Variants in PDE7B observed in about 807,000 individuals in gnomAD.
The protein encoded by PDE7B is phosphodiesterase 7B.
PDE7B carries 29 observed loss-of-function variants against 56.2 expected under a neutral mutation model. The ratio of observed to expected loss-of-function variants is 0.52; its 90% CI spans 0.38 to 0.70. The LOEUF (loss-of-function observed/expected upper bound fraction) is 0.70, where lower values mean the gene tolerates loss of function less well. Ranked by LOEUF, PDE7B falls within the 30% of genes least tolerant of loss-of-function variation. The pLI is 0.00. For synonymous variants in PDE7B, 197 were observed against 196.9 expected, an observed-to-expected ratio of 1.00 and a Z score of 0.00; for missense variants, 490 against 565.0, an observed-to-expected ratio of 0.87 and a Z score of 1.35.
intron 5 of PDE7B, among the ~76,000 whole-genome samples, chr6:136,150,647 A>G (rs560379507): frequency 5.3e-5 from 8 of 152,302 alleles, no homozygotes; most frequent in African/African-American, 1.9e-4. Context: ...TACAGCTTCA[A>G]TTTTGCATCT....
intron 2 of PDE7B, among the ~76,000 whole-genome samples, chr6:136,092,451 A>G (rs1777403990): frequency 6.6e-6 from 1 of 152,356 alleles, no homozygotes; most frequent in Non-Finnish European, 1.5e-5. Context: ...GAAATGGCAG[A>G]TTCAGTTTTT....
Position 136,126,769 on chromosome 6 carries a change from A to AAG in PDE7B, c.166+17957_166+17958dup, listed in dbSNP as rs58219317. ...CTAAGCTATGAGGATGCAAAGGCGT[A>AAG]AGAATGCCACAGTGGACTCTGGGGA... On this transcript the variant is annotated intron_variant, in intron 3 of 12. Transcript: ENST00000308191. Among the ~76,000 whole-genome samples the AAG allele has an allele frequency of 7.7e-3, 1,172 of 152,296 alleles. 11 individuals are homozygous for AAG. Among genetic ancestry groups the AAG allele is most frequent in the African/African-American group, 0.026 (1,085 of 41,552 alleles).
chr6:136,140,187 ATGGCTAG>A (rs1778294770), intron 3 of PDE7B, among the ~76,000 whole-genome samples: 2 of 152,164 alleles, frequency 1.3e-5, no homozygotes, highest in African/African-American at 4.8e-5. Context: ...CTTTCTACAT[ATGGCTAG>A]CCAGTTTTCC....
At chr6:135,879,782 AG>A (rs1775571260) in intron 1 of PDE7B, among the ~76,000 whole-genome samples, 1 of 152,194 alleles carries the variant, frequency 6.6e-6, no homozygotes, top group South Asian at 2.1e-4. Context: ...GTCAGAGCTT[AG>A]GAAAAGGGTC....
At chr6:136,172,424 C>A (rs568909233) in intron 8 of PDE7B, among the ~76,000 whole-genome samples, 1 of 152,328 alleles carries the variant, frequency 6.6e-6, no homozygotes, top group Non-Finnish European at 1.5e-5. Flanking sequence ...TTTTTGGCTG[C>A]ATAAATGTCT....
At chr6:136,078,609 A>C (rs1348599815) in intron 2 of PDE7B, among the ~76,000 whole-genome samples, 1 of 152,140 alleles carries the variant, frequency 6.6e-6, no homozygotes, top group Non-Finnish European at 1.5e-5. Flanking sequence ...TATTATGTAA[A>C]AGAGACAAAA....
intron 2 of PDE7B, among the ~76,000 whole-genome samples, chr6:136,090,801 C>T (rs1307143295): frequency 6.6e-6 from 1 of 152,140 alleles, no homozygotes; most frequent in African/African-American, 2.4e-5. Context: ...CTCTGCCTCC[C>T]AAATTATCTC....
chr6:136,018,561 G>A (rs1252298313), intron 2 of PDE7B, among the ~76,000 whole-genome samples: 1 of 152,052 alleles, frequency 6.6e-6, no homozygotes, highest in African/African-American at 2.4e-5. Flanking sequence ...AAAGTTAAAG[G>A]AAAATCTTGG....
intron 2 of PDE7B, among the ~76,000 whole-genome samples, chr6:136,005,091 C>G (rs1416856380): frequency 6.6e-6 from 1 of 152,156 alleles, no homozygotes; most frequent in Non-Finnish European, 1.5e-5. Context: ...CTGAGAAAAA[C>G]AAGCAATGGG....
chr6:136,053,072 G>C (rs1212082343), intron 2 of PDE7B, among the ~76,000 whole-genome samples: 2 of 152,034 alleles, frequency 1.3e-5, no homozygotes, highest in Non-Finnish European at 2.9e-5. Flanking sequence ...TTTTAAAAAA[G>C]TTATACTTCA....
chr6:136,147,501 G>C lies in PDE7B; in HGVS notation c.317G>C (p.Arg106Thr), dbSNP rs1327282227. ...LLDEDYLGQA[R>T]HMLSKVGMWD... Reference sequence around the variant, plus strand: ...GATGAAGACTACCTTGGACAAGCAAGGGTAAGCTGACTGCCCCATCTCCTC... The same window carrying C: ...GATGAAGACTACCTTGGACAAGCAACGGTAAGCTGACTGCCCCATCTCCTC... Residue 106 changes from arginine to threonine, a missense_variant and splice_region_variant, in exon 4 of 13, where the codon AGG (arginine) becomes ACG (threonine). Coordinates refer to ENST00000308191, the MANE Select transcript of PDE7B (RefSeq NM_018945.4). 6.2e-7 allele frequency: 1 copy of C among 1,613,528 alleles called. No individual in the cohort carries two copies. The highest frequency in any genetic ancestry group is 1.3e-5 in the African/African-American group (1 of 75,026).
At chr6:135,944,663 A>G (rs914262097) in intron 1 of PDE7B, among the ~76,000 whole-genome samples, 1 of 152,120 alleles carries the variant, frequency 6.6e-6, no homozygotes, top group African/African-American at 2.4e-5. Flanking sequence ...CTGTTAAGGA[A>G]TGCATGCTTC....
chr6:135,987,365 C>G (rs1775399511), intron 2 of PDE7B, among the ~76,000 whole-genome samples: 1 of 152,062 alleles, frequency 6.6e-6, no homozygotes, highest in African/African-American at 2.4e-5. Flanking sequence ...GTAGGAGTGG[C>G]CCCTGCTCCC....
At chr6:136,023,296 C>T (rs115225743) in intron 2 of PDE7B, among the ~76,000 whole-genome samples, 2,560 of 152,266 alleles carry the variant, frequency 0.017, 75 homozygotes, top group African/African-American at 0.058. Flanking sequence ...GATCCCAGGA[C>T]GAGCAGGACA....
At chr6:135,949,839 C>T (rs545958542) in intron 2 of PDE7B, among the ~76,000 whole-genome samples, 9 of 152,140 alleles carry the variant, frequency 5.9e-5, no homozygotes, top group Middle Eastern at 3.4e-3. Flanking sequence ...TTAAGATAGA[C>T]AGTAAATAAT....
intron 1 of PDE7B, among the ~76,000 whole-genome samples, chr6:135,909,187 G>A (rs371049004): frequency 1.3e-5 from 2 of 152,024 alleles, no homozygotes; most frequent in Non-Finnish European, 2.9e-5. Context: ...AAAAAAATTC[G>A]GAGTGGTCAT....
intron 2 of PDE7B, among the ~76,000 whole-genome samples, chr6:135,990,244 C>T (rs1297078680): frequency 3.3e-5 from 5 of 152,034 alleles, no homozygotes; most frequent in Non-Finnish European, 7.4e-5. Flanking sequence ...TACAGGTGCC[C>T]GCCACCACAC....
At chr6:136,040,495 G>T (rs1776395395) in intron 2 of PDE7B, among the ~76,000 whole-genome samples, 1 of 152,128 alleles carries the variant, frequency 6.6e-6, no homozygotes, top group African/African-American at 2.4e-5. Context: ...CTGAGCATCA[G>T]GTGTCTTCAG....
intron 2 of PDE7B, among the ~76,000 whole-genome samples, chr6:136,087,589 G>C (rs1777313832): frequency 6.6e-6 from 1 of 152,092 alleles, no homozygotes; most frequent in Non-Finnish European, 1.5e-5. Context: ...AGGTTTTTGA[G>C]ACCTAAAATC....
Sources: allele counts gnomAD v4.1 joint callset (sites outside exome capture counted in the v4.1 genomes callset), GRCh38; gene constraint gnomAD v4.1.1; transcripts MANE v1.5; gene names NCBI Gene and HGNC (gene_info 2026-07-23, HGNC 2026-07-21).